Variants in KAZN observed in about 807,000 individuals in gnomAD.
KAZN encodes kazrin, periplakin interacting protein, also known as kazrin.
Under a neutral mutation model 87.4 loss-of-function variants are expected in KAZN, and 40 were observed. That is an observed-to-expected ratio of 0.46 (90% CI 0.36 to 0.60). KAZN has a LOEUF of 0.60. Ranked by LOEUF, KAZN falls within the 20% of genes least tolerant of loss-of-function variation. The pLI is 0.00. For missense variants in KAZN, 898 were observed against 1,073.9 expected (o/e 0.84, Z 2.29); for synonymous variants, 466 against 458.3 (o/e 1.02, Z -0.22).
At position 14,420,536 on chromosome 1, in the gene KAZN, G is replaced by C. The variant is rs113511401; in HGVS notation, c.250-178447G>C. 1.9e-3 allele frequency among the ~76,000 whole-genome samples: 282 copies of C among 152,318 alleles called. 1 individual carries two copies. The highest frequency in any genetic ancestry group is 6.3e-3 in the African/African-American group (263 of 41,580). ...AGCCCTTGGGCAGTCAGTGGGACCA[G>C]GTGCCGCGGAGCAAGGGGTGCGCTC... On this transcript the variant is annotated intron_variant, in intron 2 of 16. Transcript: ENST00000636203.
intron 1 of KAZN, among the ~76,000 whole-genome samples, chr1:13,933,440 C>T (rs573675565): frequency 3.3e-5 from 5 of 152,246 alleles, no homozygotes; most frequent in Admixed American, 1.3e-4. Flanking sequence ...TGTGGCGAGC[C>T]GAGATCACGC....
chr1:14,657,455 G>C (rs944410897), intron 1 of KAZN, among the ~76,000 whole-genome samples: 1 of 152,196 alleles, frequency 6.6e-6, no homozygotes, highest in Non-Finnish European at 1.5e-5. Flanking sequence ...TAAGCTCCAA[G>C]AATTTGCATT....
chr1:14,999,361 C>T (rs968477340), intron 2 of KAZN, among the ~76,000 whole-genome samples: 7 of 152,258 alleles, frequency 4.6e-5, no homozygotes, highest in Admixed American at 3.9e-4. Flanking sequence ...CTAATGCTTC[C>T]TTTGCAGGGC....
In KAZN at chr1:14,982,050, T is replaced by G. The variant is rs191539621; in HGVS notation, c.418+21175T>G. On this transcript the variant is annotated intron_variant, in intron 2 of 14. Transcript: ENST00000376030. ...TTAACGTTTGCCTGGAGAGCCTGTG[T>G]GCCAGGCTGTCTGCATACGTGGTCC... 1.4e-3 allele frequency among the ~76,000 whole-genome samples: 208 copies of G among 152,288 alleles called. 5 individuals are homozygous for G. The South Asian group carries it at 0.04, about 29-fold the overall frequency.
chr1:14,507,286 T>C (rs1189711127), intron 2 of KAZN, among the ~76,000 whole-genome samples: 5 of 152,298 alleles, frequency 3.3e-5, no homozygotes, highest in African/African-American at 1.2e-4. Flanking sequence ...TTGAGGCCCA[T>C]AATGATGCTA....
At chr1:14,456,073 G>T (rs936168216) in intron 2 of KAZN, among the ~76,000 whole-genome samples, 3 of 152,186 alleles carry the variant, frequency 2.0e-5, no homozygotes, top group Admixed American at 2.0e-4. Context: ...AAGACAAGCT[G>T]TGAGTTTAAA....
At chr1:13,915,942 A>G (rs1367725767) in intron 1 of KAZN, among the ~76,000 whole-genome samples, 2 of 151,822 alleles carry the variant, frequency 1.3e-5, no homozygotes, top group Non-Finnish European at 2.9e-5. Context: ...AAAATAGGAG[A>G]GGTGAAGATC....
chr1:14,685,989 A>T (rs1640929621), intron 1 of KAZN, among the ~76,000 whole-genome samples: 1 of 152,232 alleles, frequency 6.6e-6, no homozygotes, highest in Non-Finnish European at 1.5e-5. Context: ...TCCTGCAGTG[A>T]GTAGATGGCA....
At chr1:14,057,236 G>A (rs1330905672) in intron 1 of KAZN, among the ~76,000 whole-genome samples, 1 of 151,660 alleles carries the variant, frequency 6.6e-6, no homozygotes, top group Non-Finnish European at 1.5e-5. Context: ...CCAGGTTCAA[G>A]TGATTCTCCT....
chr1:15,081,372 C>T lies in KAZN; in HGVS notation c.1223-12808C>T, dbSNP rs750733776. The stretch of plus-strand genomic sequence containing the variant: ...GTGTACCTCTGGAAAATATAAGAGC[C>T]GGTTGTTAAACGTGGTTGGGCCCTT... On this transcript the variant is annotated intron_variant, in intron 8 of 14. Transcript: ENST00000376030. The surrounding 1 kb of genome is among the most constrained non-coding windows in gnomAD (Gnocchi z 4.1). Among the ~76,000 whole-genome samples the T allele has an allele frequency of 6.6e-6, 1 of 152,146 alleles. No individual in the cohort carries two copies. The highest frequency in any genetic ancestry group is 1.5e-5 in the Non-Finnish European group (1 of 68,028).
At position 14,852,396 on chromosome 1, in the gene KAZN, C is replaced by T. The variant is rs1326939039; in HGVS notation, c.227-108288C>T. 5.3e-5 allele frequency among the ~76,000 whole-genome samples: 8 copies of T among 152,340 alleles called. No individual in the cohort carries two copies. The East Asian group carries it at 9.7e-4, about 18-fold the overall frequency. On this transcript the variant is annotated intron_variant, in intron 1 of 14. Transcript: ENST00000376030. Reference sequence around the variant, plus strand: ...CCAGCAGCCTGAGTCAGCCATGCGGCGATCAGACGGTGCCAGGCCTGCGAA... The same window carrying T: ...CCAGCAGCCTGAGTCAGCCATGCGGTGATCAGACGGTGCCAGGCCTGCGAA...
intron 1 of KAZN, among the ~76,000 whole-genome samples, chr1:13,995,220 A>C (rs1449506480): frequency 1.6e-5 from 1 of 63,332 alleles, no homozygotes; most frequent in South Asian, 4.1e-4. Flanking sequence ...GCAATAAGGC[A>C]AAAAAAAAAA....
At chr1:14,017,607 A>G (rs1360138998) in intron 1 of KAZN, among the ~76,000 whole-genome samples, 1 of 152,184 alleles carries the variant, frequency 6.6e-6, no homozygotes, top group Non-Finnish European at 1.5e-5. Context: ...AGTGTATTCC[A>G]TTACACCCCA....
intron 1 of KAZN, among the ~76,000 whole-genome samples, chr1:14,900,873 T>C (rs949635955): frequency 1.3e-5 from 2 of 151,874 alleles, no homozygotes; most frequent in Admixed American, 1.3e-4. Context: ...GGGAATGAAG[T>C]CTCCTTACCC....
chr1:14,653,511 C>A (rs1638582990), intron 1 of KAZN, among the ~76,000 whole-genome samples: 2 of 152,184 alleles, frequency 1.3e-5, no homozygotes, highest in African/African-American at 4.8e-5. Flanking sequence ...CTCAGTTTTC[C>A]ATAAAAGCTG....
intron 1 of KAZN, among the ~76,000 whole-genome samples, chr1:14,888,225 C>T (rs1028697979): frequency 6.6e-6 from 1 of 152,204 alleles, no homozygotes; most frequent in South Asian, 2.1e-4. Flanking sequence ...AGGCCTCTGC[C>T]CAGCCCGGCC....
intron 1 of KAZN, among the ~76,000 whole-genome samples, chr1:14,167,006 G>A (rs1052983982): frequency 2.6e-5 from 4 of 152,172 alleles, no homozygotes; most frequent in Admixed American, 1.3e-4. Flanking sequence ...CCTAAGGTGC[G>A]TGAGATAGCC....
At chr1:14,830,433 C>T (rs1210169218) in intron 1 of KAZN, among the ~76,000 whole-genome samples, 2 of 152,116 alleles carry the variant, frequency 1.3e-5, no homozygotes, top group African/African-American at 2.4e-5. Context: ...GGTGCCCAGC[C>T]CTCAGGAGCC....
intron 1 of KAZN, among the ~76,000 whole-genome samples, chr1:13,919,742 G>A (rs545704894): frequency 6.6e-6 from 1 of 152,286 alleles, no homozygotes; most frequent in East Asian, 1.9e-4. Flanking sequence ...TGGGGCATAT[G>A]GATGGTGGAT....
Sources: gnomAD v4.1 joint callset for allele counts (sites outside exome capture counted in the v4.1 genomes callset) on GRCh38, gnomAD v4.1.1 for gene constraint, Gnocchi (gnomAD v3.1) non-coding constraint, MANE v1.5 for transcripts, NCBI Gene and HGNC (gene_info 2026-07-23, HGNC 2026-07-21) for gene names.